CRTAM: variants seen among roughly 807,000 people sequenced by gnomAD.
CRTAM encodes cytotoxic and regulatory T-cell molecule.
A neutral mutation model predicts 50.0 loss-of-function variants in CRTAM; 44 were observed. The ratio of observed to expected loss-of-function variants is 0.88; its 90% CI spans 0.69 to 1.13. The LOEUF (loss-of-function observed/expected upper bound fraction) is 1.13, where lower values mean the gene tolerates loss of function less well. CRTAM is among the 50% of genes most tolerant of loss of function. The pLI is 0.00. For synonymous variants in CRTAM, 159 were observed against 169.3 expected, an observed-to-expected ratio of 0.94 and a Z score of 0.47; for missense variants, 448 against 457.5, an observed-to-expected ratio of 0.98 and a Z score of 0.19.
At position 122,866,199 on chromosome 11, in the gene CRTAM, AC is replaced by A. The variant is rs536702819; in HGVS notation, c.818-1207del. On this transcript the variant is annotated intron_variant, in intron 7 of 9. Transcript: ENST00000227348. ...TACATATTTTTCTCTGAAAACATCA[AC>A]CCTTTTCAATCGCCCTGCCCTTGTT... 2.2e-4 allele frequency among the ~76,000 whole-genome samples: 33 copies of A among 152,228 alleles called. No individual in the cohort carries two copies. In the South Asian group the frequency reaches 3.1e-3, roughly 14 times the overall value.
At chr11:122,842,203 A>G (rs978572729) in intron 1 of CRTAM, among the ~76,000 whole-genome samples, 1 of 152,244 alleles carries the variant, frequency 6.6e-6, no homozygotes, top group African/African-American at 2.4e-5. Flanking sequence ...TGATTCCTAT[A>G]GGCAATGGAA....
chr11:122,868,054 A>G lies in CRTAM; in HGVS notation c.1006A>G (p.Arg336Gly), dbSNP rs1862202484. The change falls in exon 9 of 10, where the codon AGG becomes GGG. Residue 336 changes from arginine (R) to glycine (G), a missense_variant. Transcript: ENST00000227348. ...ACACACACTAGAAAGTTACAGATCA[A>G]GGTCAAATAATGAAGAAACATCATC... ...SEHTLESYRS[R>G]SNNEETSSEE... The G allele has an allele frequency of 6.2e-7, 1 of 1,613,402 alleles. No individual in the cohort carries two copies. Among genetic ancestry groups the G allele is most frequent in the African/African-American group, 1.3e-5 (1 of 74,904 alleles).
rs1265242519 is a variant in CRTAM at position 122,868,109 on chromosome 11, C to T, written c.1051+10C>T. On this transcript the variant is annotated intron_variant, in intron 9 of 9. Transcript: ENST00000227348. ...GAGAAAAATGGCCAATGTAAGTCAA[C>T]TGTATGACCTGAGATCTGAACAATG... 2 of 1,525,080 alleles carry T rather than the reference C, an allele frequency of 1.3e-6. No individual in the cohort carries two copies. The highest frequency in any genetic ancestry group is 1.8e-6 in the Non-Finnish European group (2 of 1,100,296). The allele number at this position is 1,525,080 out of a possible 1,614,324, so 94.5% of individuals were successfully genotyped here. A position where few individuals can be genotyped will look rare whatever the true frequency, so the allele number is the denominator to read the frequency against.
At position 122,853,929 on chromosome 11, in the gene CRTAM, C is replaced by G. The variant is rs778426314; in HGVS notation, c.347-14C>G. On this transcript the variant is annotated splice_polypyrimidine_tract_variant and intron_variant, in intron 3 of 9. Coordinates refer to ENST00000227348, the MANE Select transcript of CRTAM (RefSeq NM_019604.4). ...TCATATCTAATTAACACAGAAAAATCCATTTTGTTCTAGCAACTCCTTTCA... is the reference window on the plus strand; with the variant it reads ...TCATATCTAATTAACACAGAAAAATGCATTTTGTTCTAGCAACTCCTTTCA... The G allele has an allele frequency of 6.2e-7, 1 of 1,611,992 alleles. No homozygotes were observed.
intron 5 of CRTAM, among the ~76,000 whole-genome samples, chr11:122,860,160 A>G (rs3134397): frequency 0.5 from 75,573 of 151,874 alleles, 20,592 homozygotes; most frequent in East Asian, 0.77. Context: ...CAATACTCCC[A>G]CCTCAGTCTC....
rs1011741237 is a variant in CRTAM, at chr11:122,844,404, C to T, written c.47-5664C>T. Among the ~76,000 whole-genome samples, 5 of 152,298 alleles carry T rather than the reference C, an allele frequency of 3.3e-5. No homozygotes were observed. The East Asian group carries it at 5.8e-4, about 18-fold the overall frequency. On this transcript the variant is annotated intron_variant, in intron 1 of 9. Coordinates refer to ENST00000227348, the MANE Select transcript of CRTAM (RefSeq NM_019604.4). ...ACCATCATTTTACCAAAGGTAAGAA[C>T]GTTGGCAAAACTTCTGTCAATGTCT...
At chr11:122,867,074 A>G (rs1862185605) in intron 7 of CRTAM, among the ~76,000 whole-genome samples, 1 of 152,218 alleles carries the variant, frequency 6.6e-6, no homozygotes, top group Admixed American at 6.5e-5. Context: ...AATCATTCCT[A>G]AAGCTAATTT....
At chr11:122,854,203 A>G (rs1309433282) in intron 4 of CRTAM, 117 bp downstream of exon 4, 1 of 986,910 alleles carries the variant, frequency 1.0e-6, no homozygotes, top group African/African-American at 1.6e-5. Context: ...TTAATATTTC[A>G]TCAGCTCTTT....
chr11:122,855,928 A>G (rs1862001172), intron 5 of CRTAM, 72 bp downstream of exon 5: 1 of 1,257,316 alleles, frequency 8.0e-7, no homozygotes, highest in Non-Finnish European at 1.1e-6. Flanking sequence ...ACAAAATTAA[A>G]TGCAGTGGGC....
In CRTAM at chr11:122,849,311, G is replaced by T. The variant is rs140030834; in HGVS notation, c.47-757G>T. Among the ~76,000 whole-genome samples, 53 of 152,322 alleles carry T rather than the reference G, an allele frequency of 3.5e-4. No individual in the cohort carries two copies. The East Asian group carries it at 9.1e-3, about 26-fold the overall frequency. On this transcript the variant is annotated intron_variant, in intron 1 of 9. Coordinates refer to ENST00000227348, the MANE Select transcript of CRTAM (RefSeq NM_019604.4). ...AGGCTGATGTAGTTACATAAACACGGCCTTTGCCATCCACAGCCCTGGGTA... is the reference window on the plus strand; with the variant it reads ...AGGCTGATGTAGTTACATAAACACGTCCTTTGCCATCCACAGCCCTGGGTA...
In CRTAM at chr11:122,871,526, C is replaced by A; in HGVS notation, c.*127C>A. 1.4e-6 allele frequency: 1 copy of A among 698,186 alleles called. No individual in the cohort carries two copies. The highest frequency in any genetic ancestry group is 2.2e-6 in the Non-Finnish European group (1 of 448,338). The allele number at this position is 698,186 out of a possible 1,614,324, so 43.2% of individuals were successfully genotyped here. On this transcript the variant is annotated 3_prime_UTR_variant, in exon 10 of 10. Transcript: ENST00000227348. ...CTCTTAGTGCAATGCAAGATGGTGT[C>A]CTCGGATAATGATCTGCCCCGGAGC... is the stretch of plus-strand genomic sequence containing the variant.
At chr11:122,857,105 G>A (rs1475602810) in intron 5 of CRTAM, among the ~76,000 whole-genome samples, 1 of 152,124 alleles carries the variant, frequency 6.6e-6, no homozygotes, top group Non-Finnish European at 1.5e-5. Context: ...TATGAAGGGG[G>A]AAATGGCAGT....
At chr11:122,861,496 T>C (rs939729148) in intron 5 of CRTAM, among the ~76,000 whole-genome samples, 1 of 138,716 alleles carries the variant, frequency 7.2e-6, no homozygotes, top group African/African-American at 2.7e-5. Context: ...AGTGCAGTGG[T>C]GCCATCTTGG....
At chr11:122,867,966 A>G in intron 8 of CRTAM, 47 bp from the exon 9 acceptor site, 1 of 1,117,444 alleles carries the variant, frequency 8.9e-7, no homozygotes, top group Non-Finnish European at 1.4e-6. Context: ...ACATTTCTAC[A>G]TGTCCATGGC....
chr11:122,870,211 G>A (rs1050114453), intron 9 of CRTAM, among the ~76,000 whole-genome samples: 2 of 152,018 alleles, frequency 1.3e-5, no homozygotes, highest in Admixed American at 6.5e-5. Flanking sequence ...CTTCCTAGTA[G>A]CTGGGACTAC....
intron 1 of CRTAM, among the ~76,000 whole-genome samples, chr11:122,845,741 G>A (rs1265121626): frequency 2.6e-5 from 4 of 151,854 alleles, no homozygotes; most frequent in Admixed American, 2.6e-4. Context: ...GGGACATAGG[G>A]TAGAATAGGG....
At chr11:122,840,420 CGTGTGTGT>C (rs59792353) in intron 1 of CRTAM, among the ~76,000 whole-genome samples, 2 of 149,970 alleles carry the variant, frequency 1.3e-5, no homozygotes, top group Admixed American at 1.3e-4. Context: ...TTCTAATTAA[CGTGTGTGT>C]GTGTGTGTGT....
intron 1 of CRTAM, among the ~76,000 whole-genome samples, chr11:122,844,892 G>T (rs1361083007): frequency 2.0e-5 from 3 of 152,116 alleles, no homozygotes; most frequent in Non-Finnish European, 4.4e-5. Context: ...ATTGGTTTTG[G>T]GCCTGAATAA....
chr11:122,849,985 A>ATGAT, intron 1 of CRTAM, 83 bp from the exon 2 acceptor site: 5 of 1,352,890 alleles, frequency 3.7e-6, no homozygotes, highest in Non-Finnish European at 4.9e-6. Context: ...TAGATAATAC[A>ATGAT]TGATTGAATG....
Sources: allele counts gnomAD v4.1 joint callset (sites outside exome capture counted in the v4.1 genomes callset), GRCh38; gene constraint gnomAD v4.1.1; transcripts MANE v1.5; gene names NCBI Gene and HGNC (gene_info 2026-07-23, HGNC 2026-07-21).